The following DMRT1 variants were observed in gnomAD, a reference collection of about 807,000 sequenced individuals.
The protein encoded by DMRT1 is doublesex- and mab-3-related transcription factor 1.
A neutral mutation model predicts 32.3 loss-of-function variants in DMRT1; 7 were observed. The ratio of observed to expected loss-of-function variants is 0.22; its 90% CI spans 0.12 to 0.41. The LOEUF is 0.41. Among genes scored for constraint, DMRT1 ranks in the 10% least tolerant of loss-of-function variants. DMRT1 has a pLI of 1.00. For missense variants in DMRT1, 625 were observed against 500.5 expected (o/e 1.25, Z -2.37); for synonymous variants, 278 against 206.1 (o/e 1.35, Z -2.99).
intron 2 of DMRT1, among the ~76,000 whole-genome samples, chr9:884,885 AC>A (rs1816866563): frequency 6.6e-6 from 1 of 152,166 alleles, no homozygotes; most frequent in South Asian, 2.1e-4. Flanking sequence ...CAGGAGAATC[AC>A]TTGAACCCAA....
At chr9:913,164 G>A (rs965895225) in intron 3 of DMRT1, among the ~76,000 whole-genome samples, 5 of 152,174 alleles carry the variant, frequency 3.3e-5, no homozygotes, top group African/African-American at 4.8e-5. Flanking sequence ...ATTTTGCAGA[G>A]CATTTAGGCC....
At chr9:879,990 G>T (rs528132870) in intron 2 of DMRT1, among the ~76,000 whole-genome samples, 2 of 152,202 alleles carry the variant, frequency 1.3e-5, no homozygotes, top group East Asian at 3.9e-4. Flanking sequence ...CATAGTGGGG[G>T]GCCATAAATT....
chr9:841,698 C>G lies in DMRT1; in HGVS notation c.-141C>G. Reference sequence around the variant, plus strand: ...GGCGTGGCGTGCCCAGACCTCGCCACTCCAGCTGCGCCTCCGGCTGCAGCG... The same window carrying G: ...GGCGTGGCGTGCCCAGACCTCGCCAGTCCAGCTGCGCCTCCGGCTGCAGCG... On this transcript the variant is annotated 5_prime_UTR_variant, in exon 1 of 5. Transcript: ENST00000382276. The G allele has an allele frequency of 6.6e-7, 1 of 1,526,046 alleles. No individual in the cohort carries two copies. Among genetic ancestry groups the G allele is most frequent in the Non-Finnish European group, 8.8e-7 (1 of 1,133,618 alleles). 94.5% of individuals were successfully genotyped at this position (1,526,046 alleles called of 1,614,324 possible).
In DMRT1 at chr9:865,752, T is replaced by C. The variant is rs567947774; in HGVS notation, c.538+18609T>C. 3.9e-5 allele frequency among the ~76,000 whole-genome samples: 6 copies of C among 152,336 alleles called. No homozygotes were observed. The East Asian group carries it at 9.6e-4, about 24-fold the overall frequency. On this transcript the variant is annotated intron_variant, in intron 2 of 4. Transcript: ENST00000382276. ...CATCTTAATGCTCAAACATGGTAGA[T>C]GTATTAAACCGTCCCATTAGAATAT...
At chr9:935,921 G>C (rs542767819) in intron 4 of DMRT1, among the ~76,000 whole-genome samples, 1 of 152,162 alleles carries the variant, frequency 6.6e-6, no homozygotes, top group African/African-American at 2.4e-5. Context: ...TCTGTGTATT[G>C]TTAGGTAGAA....
At chr9:862,061 G>A (rs1417733708) in intron 2 of DMRT1, among the ~76,000 whole-genome samples, 1 of 151,654 alleles carries the variant, frequency 6.6e-6, no homozygotes, top group Non-Finnish European at 1.5e-5. Flanking sequence ...CAGACGATGG[G>A]CGGCCAGGCA....
At chr9:871,199 C>G (rs1240205136) in intron 2 of DMRT1, among the ~76,000 whole-genome samples, 1 of 151,210 alleles carries the variant, frequency 6.6e-6, no homozygotes, top group Non-Finnish European at 1.5e-5. Flanking sequence ...CCATGCCCGG[C>G]TAATTTTTTG....
chr9:851,974 C>G (rs1332924683), intron 2 of DMRT1, among the ~76,000 whole-genome samples: 3 of 148,064 alleles, frequency 2.0e-5, no homozygotes, highest in Non-Finnish European at 4.4e-5. Flanking sequence ...CAGTCTCACT[C>G]TGTCGCTTAG....
At chr9:846,556 T>A (rs1253258989) in intron 1 of DMRT1, among the ~76,000 whole-genome samples, 1 of 152,158 alleles carries the variant, frequency 6.6e-6, no homozygotes, top group Non-Finnish European at 1.5e-5. Flanking sequence ...AATCTTATTC[T>A]ACACAGTCAT....
At chr9:888,281 G>C (rs115494729) in intron 2 of DMRT1, among the ~76,000 whole-genome samples, 3,003 of 150,812 alleles carry the variant, frequency 0.02, 101 homozygotes, top group African/African-American at 0.068. Context: ...TAGAAGCCTA[G>C]CTTTTCAATA....
At chr9:843,120 G>C (rs972663923) in intron 1 of DMRT1, among the ~76,000 whole-genome samples, 16 of 152,226 alleles carry the variant, frequency 1.1e-4, no homozygotes, top group African/African-American at 3.9e-4. Flanking sequence ...AGCGTCCCCA[G>C]AATCTCTGAC....
intron 1 of DMRT1, 75 bp downstream of exon 1, chr9:842,267 C>T (rs1264045725): frequency 2.7e-5 from 40 of 1,472,714 alleles, no homozygotes; most frequent in Middle Eastern, 4.9e-4. Flanking sequence ...TGGAGTCTCG[C>T]TCGGTTGCCC....
intron 4 of DMRT1, among the ~76,000 whole-genome samples, chr9:925,664 C>A (rs551801760): frequency 2.6e-4 from 39 of 152,328 alleles, no homozygotes; most frequent in African/African-American, 9.1e-4. Flanking sequence ...CCTTCCTTTT[C>A]TTTTTCTTCC....
intron 3 of DMRT1, among the ~76,000 whole-genome samples, chr9:901,156 A>G (rs1817558288): frequency 6.6e-6 from 1 of 152,108 alleles, no homozygotes; most frequent in South Asian, 2.1e-4. Context: ...CTGAGGCTAC[A>G]GGCATGTACC....
intron 3 of DMRT1, among the ~76,000 whole-genome samples, chr9:896,542 C>T (rs552991212): frequency 5.9e-5 from 9 of 152,004 alleles, no homozygotes; most frequent in East Asian, 1.9e-4. Flanking sequence ...AGGCCAGGTG[C>T]GGTGGCTCAT....
chr9:931,561 A>T (rs1217609343), intron 4 of DMRT1, among the ~76,000 whole-genome samples: 1 of 152,162 alleles, frequency 6.6e-6, no homozygotes, highest in Non-Finnish European at 1.5e-5. Context: ...TGGAGGCTGG[A>T]AGTCCAAGAT....
intron 1 of DMRT1, among the ~76,000 whole-genome samples, chr9:846,045 T>C (rs1406989470): frequency 6.6e-6 from 1 of 151,782 alleles, no homozygotes; most frequent in Non-Finnish European, 1.5e-5. Flanking sequence ...TTTTTTTTTT[T>C]TTTGGAGACA....
intron 2 of DMRT1, 127 bp from the exon 3 acceptor site, chr9:893,785 A>C: frequency 1.2e-6 from 1 of 845,416 alleles, no homozygotes; most frequent in South Asian, 1.5e-5. Flanking sequence ...GAGAAGCAAC[A>C]GATGGTTTTG....
chr9:968,689 C>G lies in DMRT1; in HGVS notation c.*550C>G, dbSNP rs933306177. The stretch of plus-strand genomic sequence containing the variant: ...ATAGCCCCACCCCATCCTCCCAATC[C>G]AAAACGTAACTGAAATATAATCAGA... On this transcript the variant is annotated 3_prime_UTR_variant, in exon 5 of 5. Coordinates refer to ENST00000382276, the MANE Select transcript of DMRT1 (RefSeq NM_021951.3). 3.3e-5 allele frequency: 5 copies of G among 153,004 alleles called. No homozygotes were observed. The highest frequency in any genetic ancestry group is 3.2e-4 in the Admixed American group (5 of 15,432). The allele number at this position is 153,004 out of a possible 1,614,324, so 9.5% of individuals were successfully genotyped here.
Sources: allele counts gnomAD v4.1 joint callset (sites outside exome capture counted in the v4.1 genomes callset), GRCh38; gene constraint gnomAD v4.1.1; transcripts MANE v1.5; gene names NCBI Gene and HGNC (gene_info 2026-07-23, HGNC 2026-07-21).